ZNF846: variants seen among roughly 807,000 people sequenced by gnomAD.
ZNF846 encodes the protein zinc finger protein 846, also known as zinc finger protein 420 pseudogene.
A neutral mutation model predicts 16.0 loss-of-function variants in ZNF846; 15 were observed. That is an observed-to-expected ratio of 0.94 (90% CI 0.63 to 1.45). The LOEUF is 1.45. Among genes scored for constraint, ZNF846 ranks in the 40% most tolerant of loss-of-function variants. The probability of loss-of-function intolerance (pLI) is 0.00; values close to 1 mark genes in which losing one functional copy is unlikely to be tolerated. For synonymous variants in ZNF846, 229 were observed against 212.0 expected (o/e 1.08, Z -0.70); for missense variants, 714 against 622.3 (o/e 1.15, Z -1.57).
At chr19:9,757,613 C>T (rs776700898) in exon 6 of ZNF846, 3 of 1,613,370 alleles carry the variant, frequency 1.9e-6, no homozygotes, top group African/African-American at 1.3e-5. Flanking sequence ...ATGTGGAATA[C>T]CTGAAGGCTT....
At chr19:9,766,316 A>G (rs1179112551) in intron 1 of ZNF846, among the ~76,000 whole-genome samples, 1 of 151,646 alleles carries the variant, frequency 6.6e-6, no homozygotes, top group East Asian at 1.9e-4. Flanking sequence ...CGGGAGGCTA[A>G]GGCAAGAGAA....
intron 1 of ZNF846, among the ~76,000 whole-genome samples, chr19:9,782,149 A>G (rs2045508347): frequency 6.6e-6 from 1 of 152,172 alleles, no homozygotes; most frequent in Non-Finnish European, 1.5e-5. Flanking sequence ...CCCTTCCAGA[A>G]TACAGAGTGA....
intron 3 of ZNF846, 106 bp downstream of exon 3, chr19:9,763,176 A>T: frequency 9.5e-7 from 1 of 1,056,118 alleles, no homozygotes; most frequent in Non-Finnish European, 1.3e-6. Context: ...TCCACTGGCC[A>T]AGGTCCATGC....
upstream of ZNF846, among the ~76,000 whole-genome samples, chr19:9,771,453 C>G (rs562462818): frequency 6.6e-6 from 1 of 152,206 alleles, no homozygotes; most frequent in Non-Finnish European, 1.5e-5. Context: ...GCTGGGATAA[C>G]AGGCGTGAGC....
downstream of ZNF846, among the ~76,000 whole-genome samples, chr19:9,748,946 C>T (rs1001766650): frequency 4.6e-5 from 7 of 152,178 alleles, no homozygotes; most frequent in Non-Finnish European, 8.8e-5. Flanking sequence ...CATATGAAGA[C>T]ACCCTAGCTG....
downstream of ZNF846, among the ~76,000 whole-genome samples, chr19:9,754,934 C>T (rs149158698): frequency 6.3e-4 from 95 of 150,960 alleles, 2 homozygotes; most frequent in Admixed American, 1.8e-3. Context: ...GGTGCGATTT[C>T]GAGTCACTGC....
chr19:9,758,680 T>A, exon 6 of ZNF846: 3 of 1,612,374 alleles, frequency 1.9e-6, no homozygotes, highest in South Asian at 2.2e-5. Flanking sequence ...TGAGTTATCA[T>A]GTGAGTCATA....
chr19:9,769,980 CAAAA>C (rs765094580), upstream of ZNF846, among the ~76,000 whole-genome samples: 2 of 78,120 alleles, frequency 2.6e-5, no homozygotes, highest in Non-Finnish European at 5.1e-5. Flanking sequence ...GACTCCGTCT[CAAAA>C]AAAAAAAAAA....
Position 9,764,916 on chromosome 19 carries a change from T to G in ZNF846, c.15+20A>C. On this transcript the variant is annotated intron_variant, in intron 2 of 5. Coordinates refer to ENST00000397902, the Ensembl canonical transcript of ZNF846. ...GGCTACAAGCATAACATTTTGAAGTTAGGTCTGCTTTCCACTTGCCTGAGA... is the reference window on the plus strand; with the variant it reads ...GGCTACAAGCATAACATTTTGAAGTGAGGTCTGCTTTCCACTTGCCTGAGA... 6.2e-7 allele frequency: 1 copy of G among 1,614,018 alleles called. No individual in the cohort carries two copies. The highest frequency in any genetic ancestry group is 8.5e-7 in the Non-Finnish European group (1 of 1,179,874).
In ZNF846 at chr19:9,767,001, T is replaced by A. The variant is rs964845255; in HGVS notation, c.-86+1288A>T. ...AGTTATGCTTTTATTTATTTATTTT[T>A]TTTTTTGTAGAGATGGGGTCTCACT... On this transcript the variant is annotated intron_variant, in intron 1 of 5. Coordinates refer to ENST00000397902, the Ensembl canonical transcript of ZNF846. Among the ~76,000 whole-genome samples the A allele has an allele frequency of 2.8e-4, 42 of 152,206 alleles. 1 individual carries two copies. Among genetic ancestry groups the A allele is most frequent in the Admixed American group, 1.0e-3 (16 of 15,272 alleles).
chr19:9,758,094 TG>T lies in ZNF846; in HGVS notation c.982del (p.His328ThrfsTer30). On this transcript the variant is annotated frameshift_variant, in exon 6 of 6. Transcript: ENST00000397902. LOFTEE classifies it low-confidence loss of function (END_TRUNC). ...CTTTTCTCCAGTGTGAATTCGCATG[TG>T]TAAAATAAGTCCTGTGGATCTAGTG... 6.2e-7 allele frequency: 1 copy of T among 1,613,722 alleles called. No individual in the cohort carries two copies. Among genetic ancestry groups the T allele is most frequent in the Non-Finnish European group, 8.5e-7 (1 of 1,180,026 alleles).
At chr19:9,782,618 T>C (rs1160227545) in intron 1 of ZNF846, among the ~76,000 whole-genome samples, 1 of 152,148 alleles carries the variant, frequency 6.6e-6, no homozygotes, top group Non-Finnish European at 1.5e-5. Context: ...TGTCTCAACA[T>C]TGAAAGATAC....
intron 1 of ZNF846, among the ~76,000 whole-genome samples, chr19:9,783,966 G>A (rs904443537): frequency 6.6e-6 from 1 of 152,278 alleles, no homozygotes; most frequent in Admixed American, 6.5e-5. Context: ...GCCTCCCAAA[G>A]TGTTGGGACT....
At chr19:9,774,385 G>A (rs913810521) in intron 1 of ZNF846, 22 of 531,572 alleles carry the variant, frequency 4.1e-5, no homozygotes, top group Middle Eastern at 5.4e-4. Flanking sequence ...GGAGAATGGC[G>A]TGAACCCGGG....
exon 6 of ZNF846, chr19:9,758,642 A>C: frequency 6.2e-7 from 1 of 1,613,250 alleles, no homozygotes; most frequent in Non-Finnish European, 8.5e-7. Flanking sequence ...TTCCACTCTG[A>C]TTATCCTCAG....
downstream of ZNF846, among the ~76,000 whole-genome samples, chr19:9,754,563 T>TCAAAAAAAAAAAAAAAAA (rs776769152): frequency 3.5e-4 from 29 of 83,772 alleles, 3 homozygotes; most frequent in African/African-American, 1.6e-3. Context: ...AGACTCTGTC[T>TCAAAAAAAAAAAAAAAAA]TAAAAAAAAA....
downstream of ZNF846, among the ~76,000 whole-genome samples, chr19:9,754,985 C>T (rs1392005054): frequency 1.3e-5 from 2 of 151,336 alleles, no homozygotes; most frequent in Non-Finnish European, 2.9e-5. Context: ...CCTGCCTCAG[C>T]CTCTCAAGTA....
chr19:9,766,047 AG>A, intron 1 of ZNF846, among the ~76,000 whole-genome samples: 1 of 152,362 alleles, frequency 6.6e-6, no homozygotes, highest in South Asian at 2.1e-4. Context: ...GGCTTCTTTC[AG>A]TCAGCATTAT....
In ZNF846 at chr19:9,764,987, T is replaced by C. The variant is rs2045291578; in HGVS notation, c.-37A>G. On this transcript the variant is annotated 5_prime_UTR_variant, in exon 2 of 6. Transcript: ENST00000397902. ...CAGTAACCCAGCCACTAGCCTTGGC[T>C]TCTCGATGTTCCTGTCATGAAGACA... 3 of 1,613,100 alleles carry C rather than the reference T, an allele frequency of 1.9e-6. No individual in the cohort carries two copies. In the African/African-American group the frequency reaches 4.0e-5, roughly 22 times the overall value.
Sources: gnomAD v4.1 joint callset for allele counts (sites outside exome capture counted in the v4.1 genomes callset) on GRCh38, gnomAD v4.1.1 for gene constraint, MANE v1.5 for transcripts, NCBI Gene and HGNC (gene_info 2026-07-23, HGNC 2026-07-21) for gene names.